The following M1AP variants were observed in gnomAD, a reference collection of about 807,000 sequenced individuals.
M1AP encodes the protein meiosis 1 associated protein.
Under a neutral mutation model 51.2 loss-of-function variants are expected in M1AP, and 39 were observed. The ratio of observed to expected loss-of-function variants is 0.76; its 90% confidence interval spans 0.59 to 1.00. The LOEUF (loss-of-function observed/expected upper bound fraction) is 1.00. Among genes scored for constraint, M1AP ranks in the 50% least tolerant of loss-of-function variants. The probability of loss-of-function intolerance (pLI) is 0.00; values close to 1 mark genes in which losing one functional copy is unlikely to be tolerated. For missense variants in M1AP, 545 were observed against 641.2 expected (o/e 0.85, Z 1.62); for synonymous variants, 251 against 249.2 (o/e 1.01, Z -0.07).
At chr2:74,601,156 A>G (rs140375803) in intron 4 of M1AP, among the ~76,000 whole-genome samples, 1 of 152,164 alleles carries the variant, frequency 6.6e-6, no homozygotes, top group Non-Finnish European at 1.5e-5. Flanking sequence ...ATAAAGAGTT[A>G]AATTAACTTG....
At chr2:74,615,371 T>C in intron 2 of M1AP, 1 of 520,888 alleles carries the variant, frequency 1.9e-6, no homozygotes, top group East Asian at 3.3e-5. Flanking sequence ...TTTGATTACT[T>C]AGAGTTACCA....
chr2:74,629,424 G>A (rs1682578515), intron 2 of M1AP, among the ~76,000 whole-genome samples: 1 of 152,190 alleles, frequency 6.6e-6, no homozygotes, highest in Admixed American at 6.5e-5. Context: ...ATGGGTTGCA[G>A]TCAAAACTTT....
chr2:74,623,715 A>G (rs1012679226), intron 2 of M1AP, among the ~76,000 whole-genome samples: 1 of 152,196 alleles, frequency 6.6e-6, no homozygotes, highest in Non-Finnish European at 1.5e-5. Flanking sequence ...TCTGTCACCC[A>G]GGCTGGAGTA....
At position 74,558,376 on chromosome 2, in the gene M1AP, C is replaced by A. The variant is rs377649995; in HGVS notation, c.*340G>T. ...ACCAAAGGTGATCTGACCTCATCCA[C>A]CTGCTTACACAGAGCTACAAGAAGA... On this transcript the variant is annotated 3_prime_UTR_variant, in exon 11 of 11. Transcript: ENST00000421985. The A allele has an allele frequency of 1.1e-4, 27 of 235,768 alleles. No homozygotes were observed. The highest frequency in any genetic ancestry group is 4.4e-4 in the African/African-American group (19 of 42,704). 14.6% of individuals were successfully genotyped at this position (235,768 alleles called of 1,614,324 possible).
chr2:74,563,467 C>T (rs779646358), intron 7 of M1AP, among the ~76,000 whole-genome samples: 3 of 151,906 alleles, frequency 2.0e-5, no homozygotes, highest in East Asian at 1.9e-4. Context: ...GACGTGGTGG[C>T]GCATGCCTGT....
intron 4 of M1AP, among the ~76,000 whole-genome samples, chr2:74,606,211 G>GCA (rs1487796282): frequency 1.3e-5 from 2 of 152,124 alleles, no homozygotes; most frequent in Non-Finnish European, 2.9e-5. Context: ...CCATCAAACT[G>GCA]CACAAATTCA....
Position 74,611,015 on chromosome 2 carries a change from A to C in M1AP, c.427-3792T>G, listed in dbSNP as rs905017758. 4.6e-5 allele frequency among the ~76,000 whole-genome samples: 7 copies of C among 152,310 alleles called. No homozygotes were observed. The East Asian group carries it at 1.3e-3, about 29-fold the overall frequency. On this transcript the variant is annotated intron_variant, in intron 3 of 10. Coordinates refer to ENST00000421985, the MANE Select transcript of M1AP (RefSeq NM_001321739.2). ...GAACCATCCTTGCACCCCTGGGACA[A>C]ATCCCTCTTGATTATGGTAATCCCT...
intron 5 of M1AP, among the ~76,000 whole-genome samples, chr2:74,580,583 C>T (rs1282651711): frequency 6.6e-6 from 1 of 152,104 alleles, no homozygotes; most frequent in Non-Finnish European, 1.5e-5. Flanking sequence ...CCAAAAAGCC[C>T]TCCCCTGTCC....
chr2:74,564,477 G>C (rs1558646545), intron 7 of M1AP, among the ~76,000 whole-genome samples: 1 of 152,134 alleles, frequency 6.6e-6, no homozygotes, highest in Non-Finnish European at 1.5e-5. Flanking sequence ...AGATGATTTG[G>C]GCATGGGAAA....
chr2:74,640,705 C>G (rs1206954353), intron 1 of M1AP, among the ~76,000 whole-genome samples: 1 of 152,070 alleles, frequency 6.6e-6, no homozygotes, highest in Admixed American at 6.6e-5. Context: ...ATCCGCCCGC[C>G]TTGGCCTCCC....
chr2:74,576,937 T>A, intron 5 of M1AP: 1 of 1,104,930 alleles, frequency 9.1e-7, no homozygotes, highest in South Asian at 2.7e-5. Context: ...GACATCTGGC[T>A]TGTGATCCAG....
chr2:74,600,833 T>G (rs1183189331), intron 4 of M1AP, among the ~76,000 whole-genome samples: 2 of 152,056 alleles, frequency 1.3e-5, no homozygotes, highest in African/African-American at 4.8e-5. Context: ...TGTGCAAAAA[T>G]AAAAGTGCAA....
At chr2:74,647,374 T>C in intron 1 of M1AP, 1 of 985,414 alleles carries the variant, frequency 1.0e-6, no homozygotes, top group East Asian at 1.1e-4. Context: ...TCATTCACTT[T>C]GTCGCGTGAT....
At chr2:74,611,700 C>T (rs994911568) in intron 3 of M1AP, among the ~76,000 whole-genome samples, 10 of 150,810 alleles carry the variant, frequency 6.6e-5, no homozygotes, top group African/African-American at 2.2e-4. Context: ...GGCGTGGTGG[C>T]GCATGCCTGT....
chr2:74,641,918 T>G (rs1683319916), intron 1 of M1AP, among the ~76,000 whole-genome samples: 2 of 151,640 alleles, frequency 1.3e-5, no homozygotes, highest in South Asian at 4.2e-4. Context: ...TGATCTTGGC[T>G]CGCTGCAACC....
At chr2:74,593,244 G>A (rs764183263) in intron 4 of M1AP, among the ~76,000 whole-genome samples, 4 of 152,138 alleles carry the variant, frequency 2.6e-5, no homozygotes, top group Non-Finnish European at 5.9e-5. Context: ...TGAAGAGAAG[G>A]CAGAAAAGGA....
At chr2:74,581,130 G>C (rs570135332) in intron 5 of M1AP, among the ~76,000 whole-genome samples, 15 of 152,136 alleles carry the variant, frequency 9.9e-5, no homozygotes, top group Non-Finnish European at 2.2e-4. Flanking sequence ...TTGATCTCTC[G>C]GTTTCAGTAA....
chr2:74,593,433 T>C lies in M1AP; in HGVS notation c.596-11586A>G, dbSNP rs76737256. ...TCTCATTCTGTCACTCAGGCTGGAG[T>C]ACAGTGGTGCAATCTTGGCTCAGTG... On this transcript the variant is annotated intron_variant, in intron 4 of 10. Transcript: ENST00000421985. 3.4e-3 allele frequency among the ~76,000 whole-genome samples: 514 copies of C among 152,296 alleles called. 28 individuals are homozygous for C. The East Asian group carries it at 0.09, about 27-fold the overall frequency.
chr2:74,613,602 C>T (rs141308010), intron 3 of M1AP, among the ~76,000 whole-genome samples: 11 of 152,232 alleles, frequency 7.2e-5, no homozygotes, highest in African/African-American at 2.6e-4. Flanking sequence ...TTCCCTTCTT[C>T]CAGGTCATTT....
Sources: allele counts gnomAD v4.1 joint callset (sites outside exome capture counted in the v4.1 genomes callset), GRCh38; gene constraint gnomAD v4.1.1; transcripts MANE v1.5; gene names NCBI Gene and HGNC (gene_info 2026-07-23, HGNC 2026-07-21).